ATRNL1: variants seen among roughly 807,000 people sequenced by gnomAD.
ATRNL1 encodes the protein attractin-like protein 1.
Under a neutral mutation model 182.7 loss-of-function variants are expected in ATRNL1, and 95 were observed. That is an observed-to-expected ratio of 0.52 (90% CI 0.44 to 0.62). ATRNL1 has a LOEUF of 0.62. ATRNL1 is among the 20% of genes least tolerant of loss of function. The pLI is 0.00. For synonymous variants in ATRNL1, 576 were observed against 568.3 expected, an observed-to-expected ratio of 1.01 and a Z score of -0.19; for missense variants, 1,471 against 1,679.5, an observed-to-expected ratio of 0.88 and a Z score of 2.17.
intron 24 of ATRNL1, among the ~76,000 whole-genome samples, chr10:115,515,105 TC>T (rs1189966990): frequency 1.3e-5 from 2 of 151,824 alleles, no homozygotes; most frequent in Non-Finnish European, 2.9e-5. Flanking sequence ...ACTCTACACT[TC>T]TGTTTTCACT....
intron 24 of ATRNL1, among the ~76,000 whole-genome samples, chr10:115,503,901 C>T (rs1200698187): frequency 6.6e-6 from 1 of 151,746 alleles, no homozygotes; most frequent in Non-Finnish European, 1.5e-5. Flanking sequence ...ATTTTTACAA[C>T]TTCCTTTACA....
At chr10:115,758,382 C>T (rs1565352996) in intron 27 of ATRNL1, among the ~76,000 whole-genome samples, 1 of 151,938 alleles carries the variant, frequency 6.6e-6, no homozygotes, top group East Asian at 1.9e-4. Flanking sequence ...CAGTCAGGCC[C>T]CTCTGCTACA....
At chr10:115,744,836 A>G (rs928264442) in intron 27 of ATRNL1, among the ~76,000 whole-genome samples, 4 of 152,158 alleles carry the variant, frequency 2.6e-5, no homozygotes, top group African/African-American at 9.7e-5. Flanking sequence ...TAGTTATAAC[A>G]TCAGTTGTTA....
chr10:115,878,767 G>A (rs1301829738), intron 28 of ATRNL1, among the ~76,000 whole-genome samples: 1 of 152,014 alleles, frequency 6.6e-6, no homozygotes, highest in African/African-American at 2.4e-5. Flanking sequence ...TAATACTAGT[G>A]CCCCTGATAC....
Position 115,830,795 on chromosome 10 carries a change from AACTATG to A in ATRNL1, c.3904-17081_3904-17076del, listed in dbSNP as rs143817885. ...AGCTCAGCGGTCATTTCCCATGGAA[AACTATG>A]TGCCTTTGGCCAGTTGTGCTAAGAT... On this transcript the variant is annotated intron_variant, in intron 27 of 28. Transcript: ENST00000355044. 7.0e-3 allele frequency among the ~76,000 whole-genome samples: 1,071 copies of A among 152,218 alleles called. 18 individuals carry two copies. Among genetic ancestry groups the A allele is most frequent in the African/African-American group, 0.025 (1,024 of 41,542 alleles).
intron 26 of ATRNL1, 26 bp downstream of exon 26, chr10:115,549,562 T>G: frequency 6.7e-7 from 1 of 1,499,044 alleles, no homozygotes; most frequent in Non-Finnish European, 9.1e-7. Flanking sequence ...TTTAATCTTT[T>G]GTTTAAAGAT....
At chr10:115,596,519 G>C (rs10885750) in intron 26 of ATRNL1, among the ~76,000 whole-genome samples, 72,460 of 152,060 alleles carry the variant, frequency 0.48, 18,728 homozygotes, top group East Asian at 0.84. Context: ...TTATCATGAA[G>C]AAGTTAAAGT....
At chr10:115,855,330 C>T (rs1390120371) in intron 28 of ATRNL1, among the ~76,000 whole-genome samples, 1 of 152,130 alleles carries the variant, frequency 6.6e-6, no homozygotes, top group Non-Finnish European at 1.5e-5. Flanking sequence ...TTTCGTCTTC[C>T]TTGAGACCTT....
intron 27 of ATRNL1, among the ~76,000 whole-genome samples, chr10:115,839,554 C>T (rs1365019982): frequency 2.0e-5 from 3 of 152,120 alleles, no homozygotes; most frequent in Non-Finnish European, 4.4e-5. Flanking sequence ...GTGTGCATGC[C>T]CTTACTTCTG....
chr10:115,223,241 G>T (rs368106139), intron 9 of ATRNL1, among the ~76,000 whole-genome samples: 92 of 152,108 alleles, frequency 6.0e-4, no homozygotes, highest in Non-Finnish European at 1.2e-3. Flanking sequence ...AGATCGCATC[G>T]CTGGACTCCA....
At chr10:115,752,401 T>G (rs1222846932) in intron 27 of ATRNL1, among the ~76,000 whole-genome samples, 1 of 152,008 alleles carries the variant, frequency 6.6e-6, no homozygotes, top group Non-Finnish European at 1.5e-5. Flanking sequence ...ATGAGCAAAC[T>G]CTGTTATAGG....
intron 28 of ATRNL1, among the ~76,000 whole-genome samples, chr10:115,853,136 T>C (rs1555100997): frequency 6.6e-6 from 1 of 152,166 alleles, no homozygotes; most frequent in African/African-American, 2.4e-5. Context: ...CTACAAATTA[T>C]GCTAAGTCAT....
intron 26 of ATRNL1, among the ~76,000 whole-genome samples, chr10:115,676,545 G>T (rs1482123034): frequency 3.3e-5 from 5 of 151,280 alleles, no homozygotes; most frequent in African/African-American, 4.9e-5. Context: ...CTCTGTCTAT[G>T]TATGTATATC....
intron 20 of ATRNL1, among the ~76,000 whole-genome samples, chr10:115,397,224 A>G (rs968716622): frequency 3.3e-5 from 5 of 151,964 alleles, no homozygotes; most frequent in Non-Finnish European, 5.9e-5. Flanking sequence ...GATGAATAAC[A>G]TATGGTTTTT....
intron 28 of ATRNL1, among the ~76,000 whole-genome samples, chr10:115,923,113 T>C (rs782626674): frequency 3.3e-5 from 5 of 152,166 alleles, no homozygotes; most frequent in Admixed American, 6.6e-5. Context: ...AGCTGAAGGA[T>C]TGCAGTGTTT....
chr10:115,454,100 A>G (rs889726346), intron 21 of ATRNL1, among the ~76,000 whole-genome samples: 4 of 152,014 alleles, frequency 2.6e-5, no homozygotes, highest in African/African-American at 9.7e-5. Context: ...ATAAGGGTCT[A>G]ATTTCATTCT....
At chr10:115,651,545 C>G (rs1385738269) in intron 26 of ATRNL1, among the ~76,000 whole-genome samples, 1 of 152,118 alleles carries the variant, frequency 6.6e-6, no homozygotes, top group Non-Finnish European at 1.5e-5. Flanking sequence ...ATGTGGATCT[C>G]TATGCATTTA....
rs1849216455 is a variant in ATRNL1 at position 115,216,016 on chromosome 10, G to A, written c.1532+136G>A. ...TGCTGATATCGTCTTAATTTCAGATGAGTAATTTTGTTTACCAGTATGACT... is the reference window on the plus strand; with the variant it reads ...TGCTGATATCGTCTTAATTTCAGATAAGTAATTTTGTTTACCAGTATGACT... On this transcript the variant is annotated intron_variant, in intron 9 of 28. Transcript: ENST00000355044. 6.4e-6 allele frequency: 4 copies of A among 623,346 alleles called. No individual in the cohort carries two copies. In the African/African-American group the frequency reaches 7.7e-5, roughly 12 times the overall value. The allele number at this position is 623,346 out of a possible 1,614,324, so 38.6% of individuals were successfully genotyped here.
chr10:115,748,618 T>TAAA (rs1948360204), intron 27 of ATRNL1, among the ~76,000 whole-genome samples: 1 of 151,716 alleles, frequency 6.6e-6, no homozygotes, highest in Non-Finnish European at 1.5e-5. Context: ...CAATTTCTTT[T>TAAA]TAAATACATT....
Sources: allele counts gnomAD v4.1 joint callset (sites outside exome capture counted in the v4.1 genomes callset), GRCh38; gene constraint gnomAD v4.1.1; transcripts MANE v1.5; gene names NCBI Gene and HGNC (gene_info 2026-07-23, HGNC 2026-07-21).